TTC33: variants seen among roughly 807,000 people sequenced by gnomAD.
TTC33 encodes the protein tetratricopeptide repeat domain 33, also known as tetratricopeptide repeat protein 33.
Under a neutral mutation model 29.4 loss-of-function variants are expected in TTC33, and 24 were observed. That is an observed-to-expected ratio of 0.82 (90% CI 0.59 to 1.15). The LOEUF (loss-of-function observed/expected upper bound fraction) is 1.15, where lower values mean the gene tolerates loss of function less well. TTC33 is among the 50% of genes most tolerant of loss of function. The pLI, the probability that TTC33 is intolerant of heterozygous loss-of-function variation, is 0.00. For synonymous variants in TTC33, 107 were observed against 100.3 expected (o/e 1.07, Z -0.40); for missense variants, 286 against 310.4 (o/e 0.92, Z 0.59).
chr5:40,754,820 T>C (rs1270088051), intron 1 of TTC33, among the ~76,000 whole-genome samples: 1 of 152,234 alleles, frequency 6.6e-6, no homozygotes, highest in Non-Finnish European at 1.5e-5. Flanking sequence ...AAGCACTTTC[T>C]GCATTAGAAA....
At chr5:40,748,830 T>C (rs1742845913) in intron 1 of TTC33, among the ~76,000 whole-genome samples, 1 of 152,300 alleles carries the variant, frequency 6.6e-6, no homozygotes, top group South Asian at 2.1e-4. Context: ...AATTATTGGG[T>C]AAATTTTAAA....
chr5:40,754,623 T>C (rs1362426635), intron 1 of TTC33, among the ~76,000 whole-genome samples: 2 of 152,244 alleles, frequency 1.3e-5, no homozygotes, highest in Non-Finnish European at 2.9e-5. Context: ...AGCAAAGTTT[T>C]ATATTTTCTT....
Position 40,712,061 on chromosome 5 carries a change from A to G in TTC33, c.*4084T>C, listed in dbSNP as rs1269700652. 6.6e-6 allele frequency among the ~76,000 whole-genome samples: 1 copy of G among 152,084 alleles called. No homozygotes were observed. Among genetic ancestry groups the G allele is most frequent in the Non-Finnish European group, 1.5e-5 (1 of 68,010 alleles). ...AACGTTAAAATACTTGCATTTTATT[A>G]TTTCTAAGTTATACTCATTTAAGAA... On this transcript the variant is annotated 3_prime_UTR_variant, in exon 5 of 5. Coordinates refer to ENST00000337702, the MANE Select transcript of TTC33 (RefSeq NM_012382.3).
chr5:40,744,590 T>C (rs1002732745), intron 2 of TTC33, among the ~76,000 whole-genome samples: 1 of 151,578 alleles, frequency 6.6e-6, no homozygotes, highest in Non-Finnish European at 1.5e-5. Flanking sequence ...ACATGGAAGA[T>C]ACCAGTCAAA....
intron 2 of TTC33, among the ~76,000 whole-genome samples, chr5:40,744,422 G>A (rs1184274659): frequency 1.3e-5 from 2 of 148,988 alleles, no homozygotes; most frequent in Non-Finnish European, 3.0e-5. Context: ...TAATATATTG[G>A]TTCCTCAACT....
chr5:40,751,893 G>T (rs907457760), intron 1 of TTC33, among the ~76,000 whole-genome samples: 6 of 151,574 alleles, frequency 4.0e-5, no homozygotes, highest in Non-Finnish European at 7.4e-5. Flanking sequence ...GGAGGCGGAG[G>T]TTGCAGTGAG....
Position 40,734,929 on chromosome 5 carries a change from A to G in TTC33, c.222-4586T>C, listed in dbSNP as rs181816. ...TGTGATAGGGAGTGACCAAGTGGCT[A>G]TTCGGAATGGGCGGTCAAGAAAGGT... On this transcript the variant is annotated intron_variant, in intron 2 of 4. Coordinates refer to ENST00000337702, the MANE Select transcript of TTC33 (RefSeq NM_012382.3). 5.9e-5 allele frequency among the ~76,000 whole-genome samples: 9 copies of G among 152,354 alleles called. No individual in the cohort carries two copies. The East Asian group carries it at 1.3e-3, about 23-fold the overall frequency.
chr5:40,736,512 C>T (rs1742554028), intron 2 of TTC33, among the ~76,000 whole-genome samples: 1 of 152,064 alleles, frequency 6.6e-6, no homozygotes, highest in African/African-American at 2.4e-5. Context: ...GCCAAGATGT[C>T]AAAGTTGGGA....
intron 4 of TTC33, among the ~76,000 whole-genome samples, chr5:40,726,848 TATATG>T (rs1287256737): frequency 3.7e-4 from 56 of 152,244 alleles, no homozygotes; most frequent in Non-Finnish European, 5.9e-5. Flanking sequence ...GAAAAAGTAT[TATATG>T]ATAGGGTTTT....
intron 4 of TTC33, among the ~76,000 whole-genome samples, chr5:40,724,582 G>A (rs1186281863): frequency 2.6e-5 from 4 of 151,060 alleles, no homozygotes; most frequent in Admixed American, 1.3e-4. Context: ...GAAGTGAGCC[G>A]AGATCACACC....
chr5:40,724,853 A>AT (rs369051268), intron 4 of TTC33, among the ~76,000 whole-genome samples: 1,417 of 138,140 alleles, frequency 0.01, 9 homozygotes, highest in Non-Finnish European at 0.012. Context: ...TTACAAGTGG[A>AT]TTTTTTTTTT....
chr5:40,728,281 C>CAA lies in TTC33; in HGVS notation c.435+62_435+63dup, dbSNP rs70988805. 130 of 317,868 alleles carry CAA rather than the reference C, an allele frequency of 4.1e-4. 2 individuals carry two copies. In the East Asian group the frequency reaches 8.6e-3, roughly 21 times the overall value. The allele number at this position is 317,868 out of a possible 1,614,324, so 19.7% of individuals were successfully genotyped here. On this transcript the variant is annotated intron_variant, in intron 4 of 4. Transcript: ENST00000337702. ...CCTGGGTGACATCAAGACTCCATCT[C>CAA]AAAAAAAAAAAAAAGTCAAAATATA...
chr5:40,730,236 A>C (rs1742391192), intron 3 of TTC33, 26 bp downstream of exon 3: 1 of 1,554,056 alleles, frequency 6.4e-7, no homozygotes. Flanking sequence ...TTTCATAAGG[A>C]AAGTGAAATT....
intron 2 of TTC33, among the ~76,000 whole-genome samples, chr5:40,741,976 C>A (rs535417547): frequency 6.6e-6 from 1 of 151,766 alleles, no homozygotes; most frequent in Non-Finnish European, 1.5e-5. Context: ...GCCAACAGAG[C>A]GAGACTCTGT....
At chr5:40,729,418 C>G (rs183993956) in intron 3 of TTC33, among the ~76,000 whole-genome samples, 5 of 152,292 alleles carry the variant, frequency 3.3e-5, no homozygotes, top group Admixed American at 6.5e-5. Flanking sequence ...CTTGGATAAC[C>G]TATTCAAGTG....
At chr5:40,753,364 C>CAA (rs767934058) in intron 1 of TTC33, among the ~76,000 whole-genome samples, 3 of 120,856 alleles carry the variant, frequency 2.5e-5, no homozygotes, top group African/African-American at 9.0e-5. Flanking sequence ...AACTCCATCT[C>CAA]AAAAAAAAAA....
At chr5:40,728,735 C>A (rs999762341) in intron 3 of TTC33, among the ~76,000 whole-genome samples, 8 of 152,102 alleles carry the variant, frequency 5.3e-5, no homozygotes, top group African/African-American at 1.9e-4. Flanking sequence ...GTGGTCATAT[C>A]CTAACTATGG....
At chr5:40,745,024 G>A (rs929949257) in intron 2 of TTC33, among the ~76,000 whole-genome samples, 5 of 152,162 alleles carry the variant, frequency 3.3e-5, no homozygotes, top group African/African-American at 9.7e-5. Flanking sequence ...ACATGAGATA[G>A]AGGAACAAAT....
chr5:40,740,019 A>G (rs1479003318), intron 2 of TTC33, among the ~76,000 whole-genome samples: 1 of 151,916 alleles, frequency 6.6e-6, no homozygotes, highest in Admixed American at 6.6e-5. Flanking sequence ...ATTATTTTTT[A>G]ATGGTTTCTC....
Sources: gnomAD v4.1 joint callset for allele counts (sites outside exome capture counted in the v4.1 genomes callset) on GRCh38, gnomAD v4.1.1 for gene constraint, MANE v1.5 for transcripts, NCBI Gene and HGNC (gene_info 2026-07-23, HGNC 2026-07-21) for gene names.